Variants in CHMP4C observed in about 807,000 individuals in gnomAD.
The protein encoded by CHMP4C is charged multivesicular body protein 4C.
CHMP4C carries 28 observed loss-of-function variants against 29.0 expected under a neutral mutation model. The ratio of observed to expected loss-of-function variants is 0.97; its 90% CI spans 0.72 to 1.32. The LOEUF (loss-of-function observed/expected upper bound fraction) is 1.32, where lower values mean the gene tolerates loss of function less well. CHMP4C is among the 40% of genes most tolerant of loss of function. The pLI is 0.00. For missense variants in CHMP4C, 291 were observed against 281.0 expected (o/e 1.04, Z -0.25); for synonymous variants, 106 against 102.4 (o/e 1.04, Z -0.21).
At chr8:81,753,030 C>T (rs774551487) in intron 1 of CHMP4C, 34 bp from the exon 2 acceptor site, 3 of 1,555,980 alleles carry the variant, frequency 1.9e-6, no homozygotes, top group East Asian at 4.5e-5. Flanking sequence ...GTCTCTTTCT[C>T]TTTCCTAATA....
rs374825112 is a variant in CHMP4C, at chr8:81,753,098, C to T, written c.225C>T (p.Phe75=). The T allele has an allele frequency of 3.7e-5, 59 of 1,611,494 alleles. No homozygotes were observed. Among genetic ancestry groups the T allele is most frequent in the African/African-American group, 8.0e-5 (6 of 74,748 alleles). The change falls in exon 2 of 5, where the codon TTC becomes TTT. Residue 75 remains phenylalanine (F), a synonymous_variant. Coordinates refer to ENST00000297265, the MANE Select transcript of CHMP4C (RefSeq NM_152284.4). Reference sequence around the variant, plus strand: ...AGGCACTAAAGAGAAAGAAGAGGTTCGAGAAACAGCTCACTCAGATTGATG... The same window carrying T: ...AGGCACTAAAGAGAAAGAAGAGGTTTGAGAAACAGCTCACTCAGATTGATG... ...ALQALKRKKR[F]EKQLTQIDGT... is the part of the protein sequence containing the mutation.
rs79552001 is a variant in CHMP4C at position 81,744,190 on chromosome 8, T to C, written c.191-8874T>C. On this transcript the variant is annotated intron_variant, in intron 1 of 4. Coordinates refer to ENST00000297265, the MANE Select transcript of CHMP4C (RefSeq NM_152284.4). ...CCTCCAAAAATATGGAGGTTACATATAAGATTCAGCTGCTGTGGCAAGCAG... is the reference window on the plus strand; with the variant it reads ...CCTCCAAAAATATGGAGGTTACATACAAGATTCAGCTGCTGTGGCAAGCAG... Among the ~76,000 whole-genome samples the C allele has an allele frequency of 3.1e-3, 473 of 152,320 alleles. 7 individuals carry two copies. Among genetic ancestry groups the C allele is most frequent in the East Asian group, 0.024 (125 of 5,190 alleles).
intron 3 of CHMP4C, among the ~76,000 whole-genome samples, chr8:81,757,501 T>G (rs1007569476): frequency 6.6e-6 from 1 of 152,162 alleles, no homozygotes; most frequent in Non-Finnish European, 1.5e-5. Flanking sequence ...CTTACATTTT[T>G]AAGGTCTCAA....
At chr8:81,744,112 G>C (rs529765643) in intron 1 of CHMP4C, among the ~76,000 whole-genome samples, 4 of 152,196 alleles carry the variant, frequency 2.6e-5, no homozygotes, top group South Asian at 4.1e-4. Context: ...TTGTGTGTTG[G>C]TCTTCTTCTA....
At chr8:81,743,236 CA>C (rs1163486579) in intron 1 of CHMP4C, among the ~76,000 whole-genome samples, 1 of 150,754 alleles carries the variant, frequency 6.6e-6, no homozygotes, top group African/African-American at 2.4e-5. Flanking sequence ...ATAATTGAAT[CA>C]TATTAAATAT....
At chr8:81,736,958 T>C (rs73694769) in intron 1 of CHMP4C, among the ~76,000 whole-genome samples, 2,583 of 152,312 alleles carry the variant, frequency 0.017, 75 homozygotes, top group African/African-American at 0.057. Context: ...GCAAAAAGAA[T>C]TTGAGTAAAC....
intron 1 of CHMP4C, among the ~76,000 whole-genome samples, chr8:81,751,887 CTA>C (rs1362027782): frequency 6.6e-6 from 1 of 151,790 alleles, no homozygotes; most frequent in African/African-American, 2.4e-5. Flanking sequence ...AAATAGTGGT[CTA>C]TGTAAAAATT....
In CHMP4C at chr8:81,758,364, T is replaced by G. The variant is rs375289390; in HGVS notation, c.637+69T>G. 4 of 1,587,678 alleles carry G rather than the reference T, an allele frequency of 2.5e-6. No homozygotes were observed. In the African/African-American group the frequency reaches 5.4e-5, roughly 21 times the overall value. On this transcript the variant is annotated intron_variant, in intron 4 of 4. Coordinates refer to ENST00000297265, the MANE Select transcript of CHMP4C (RefSeq NM_152284.4). ...AAATGATAGCCAGGCCCATTCTTTT[T>G]AGCACATGTTTTTGATTTCAAACTG... is the stretch of plus-strand genomic sequence containing the variant.
At chr8:81,734,561 C>G (rs1424924072) in intron 1 of CHMP4C, among the ~76,000 whole-genome samples, 2 of 152,160 alleles carry the variant, frequency 1.3e-5, no homozygotes, top group Non-Finnish European at 2.9e-5. Context: ...AACTCCTGAC[C>G]TCAGGTGATC....
At chr8:81,747,855 G>A (rs1243714976) in intron 1 of CHMP4C, among the ~76,000 whole-genome samples, 2 of 152,106 alleles carry the variant, frequency 1.3e-5, no homozygotes, top group Admixed American at 6.5e-5. Context: ...TGCTAATGAA[G>A]TTTCGGGCAC....
Position 81,748,047 on chromosome 8 carries a change from C to T in CHMP4C, c.191-5017C>T, listed in dbSNP as rs377454428. On this transcript the variant is annotated intron_variant, in intron 1 of 4. Transcript: ENST00000297265. Reference sequence around the variant, plus strand: ...AGGTACGCCCCGGGGCGGCCAGTCCCGAGACCTACCCATAGGTGCGCATTC... The same window carrying T: ...AGGTACGCCCCGGGGCGGCCAGTCCTGAGACCTACCCATAGGTGCGCATTC... Among the ~76,000 whole-genome samples, 22 of 152,014 alleles carry T rather than the reference C, an allele frequency of 1.4e-4. No individual in the cohort carries two copies. In the East Asian group the frequency reaches 2.3e-3, roughly 16 times the overall value.
chr8:81,741,523 C>G (rs1397970035), intron 1 of CHMP4C, among the ~76,000 whole-genome samples: 1 of 151,978 alleles, frequency 6.6e-6, no homozygotes, highest in Non-Finnish European at 1.5e-5. Flanking sequence ...GATAAAAGTA[C>G]CAGATACTCT....
At chr8:81,738,768 A>G (rs73694775) in intron 1 of CHMP4C, among the ~76,000 whole-genome samples, 2,483 of 152,154 alleles carry the variant, frequency 0.016, 72 homozygotes, top group African/African-American at 0.055. Flanking sequence ...TCTTAAGACA[A>G]TCTCTCAAAA....
chr8:81,741,751 C>T (rs7842768), intron 1 of CHMP4C, among the ~76,000 whole-genome samples: 119,778 of 152,090 alleles, frequency 0.79, 47,255 homozygotes, highest in East Asian at 0.88. Context: ...TTTTTAAATG[C>T]CACAGTCTCA....
intron 1 of CHMP4C, among the ~76,000 whole-genome samples, chr8:81,744,911 A>T (rs560012964): frequency 1.3e-5 from 2 of 152,320 alleles, no homozygotes; most frequent in East Asian, 1.9e-4. Context: ...AAAAGTAAAG[A>T]CGTTCAGTGA....
chr8:81,732,826 G>C lies in CHMP4C; in HGVS notation c.190+10G>C. On this transcript the variant is annotated intron_variant, in intron 1 of 4. Coordinates refer to ENST00000297265, the MANE Select transcript of CHMP4C (RefSeq NM_152284.4). ...ACGCAGAATAAGCGAGGTAGGCTGG[G>C]GTCTGGCCCACAGGCGGGAGCCCAT... 1 of 1,609,486 alleles carries C rather than the reference G, an allele frequency of 6.2e-7. No homozygotes were observed. Among genetic ancestry groups the C allele is most frequent in the Non-Finnish European group, 8.5e-7 (1 of 1,177,974 alleles).
At chr8:81,742,825 A>T (rs1385810522) in intron 1 of CHMP4C, among the ~76,000 whole-genome samples, 3 of 152,206 alleles carry the variant, frequency 2.0e-5, no homozygotes, top group Non-Finnish European at 4.4e-5. Flanking sequence ...ACTAATTTGC[A>T]AGTATTTCAA....
At chr8:81,749,054 A>G (rs1409341039) in intron 1 of CHMP4C, among the ~76,000 whole-genome samples, 1 of 152,116 alleles carries the variant, frequency 6.6e-6, no homozygotes, top group African/African-American at 2.4e-5. Flanking sequence ...ATTATCACTA[A>G]TTCTTATAAT....
At chr8:81,736,314 C>G (rs111613395) in intron 1 of CHMP4C, among the ~76,000 whole-genome samples, 20 of 151,318 alleles carry the variant, frequency 1.3e-4, no homozygotes, top group African/African-American at 4.6e-4. Flanking sequence ...CACTACCACA[C>G]CCAGCTATTT....
Sources: allele counts gnomAD v4.1 joint callset (sites outside exome capture counted in the v4.1 genomes callset), GRCh38; gene constraint gnomAD v4.1.1; transcripts MANE v1.5; gene names NCBI Gene and HGNC (gene_info 2026-07-23, HGNC 2026-07-21).